The following PHF20L1 variants were observed in gnomAD, a reference collection of about 807,000 sequenced individuals.
PHF20L1 encodes the protein PHD finger protein 20 like 1, also known as PHD finger protein 20-like protein 1.
In PHF20L1, 44 loss-of-function variants were observed where a neutral mutation model predicts 125.5. The ratio of observed to expected loss-of-function variants is 0.35; its 90% CI spans 0.28 to 0.45. The LOEUF is 0.45. PHF20L1 is among the 20% of genes least tolerant of loss of function. The pLI is 1.00. For missense variants in PHF20L1, 1,012 were observed against 1,217.2 expected, an observed-to-expected ratio of 0.83 and a Z score of 2.51; for synonymous variants, 380 against 403.1, an observed-to-expected ratio of 0.94 and a Z score of 0.69.
chr8:132,792,245 C>A (rs914278123), intron 2 of PHF20L1, among the ~76,000 whole-genome samples: 1 of 152,136 alleles, frequency 6.6e-6, no homozygotes, highest in Non-Finnish European at 1.5e-5. Flanking sequence ...TATAGTACTT[C>A]AGTGGCTAGC....
intron 14 of PHF20L1, chr8:132,826,319 A>G (rs902718863): frequency 6.6e-6 from 1 of 152,124 alleles, no homozygotes; most frequent in Non-Finnish European, 1.5e-5. Context: ...TGAGGAAATG[A>G]AGGCAACTAC....
intron 6 of PHF20L1, among the ~76,000 whole-genome samples, chr8:132,801,931 A>T (rs2131543201): frequency 6.6e-6 from 1 of 151,736 alleles, no homozygotes; most frequent in Non-Finnish European, 1.5e-5. Context: ...TTGGAGGTAG[A>T]AAACAACTTG....
chr8:132,819,131 C>T (rs1835303133), intron 12 of PHF20L1, among the ~76,000 whole-genome samples: 1 of 151,838 alleles, frequency 6.6e-6, no homozygotes, highest in Non-Finnish European at 1.5e-5. Context: ...TGGCTGACTA[C>T]CTTAGAGGAA....
At chr8:132,839,624 C>T (rs148151447) in intron 18 of PHF20L1, 42 bp downstream of exon 18, 11 of 1,416,554 alleles carry the variant, frequency 7.8e-6, no homozygotes, top group South Asian at 1.2e-5. Context: ...CTTCAGTGGA[C>T]GTTTTAATTC....
rs1266814128 is a variant in PHF20L1, at chr8:132,842,936, A to G, written c.2748+61A>G. 4 of 1,509,904 alleles carry G rather than the reference A, an allele frequency of 2.6e-6. No homozygotes were observed. The African/African-American group carries it at 4.2e-5, about 16-fold the overall frequency. The allele number at this position is 1,509,904 out of a possible 1,614,324, so 93.5% of individuals were successfully genotyped here. On this transcript the variant is annotated intron_variant, in intron 19 of 20. Coordinates refer to ENST00000395386, the MANE Select transcript of PHF20L1 (RefSeq NM_016018.5). Reference sequence around the variant, plus strand: ...TGAGAGAAGAACAAAGGAAAATTTTATAAAATAAGGCATACTGAATTCCCA... The same window carrying G: ...TGAGAGAAGAACAAAGGAAAATTTTGTAAAATAAGGCATACTGAATTCCCA...
intron 8 of PHF20L1, chr8:132,807,807 G>A: frequency 2.2e-6 from 1 of 452,702 alleles, no homozygotes; most frequent in Non-Finnish European, 4.4e-6. Context: ...ATGACTATTT[G>A]ATATTCTTCT....
rs147588344 is a variant in PHF20L1 at position 132,848,188 on chromosome 8, A to G, written c.*2265A>G. 1.9e-3 allele frequency: 284 copies of G among 152,190 alleles called. 2 individuals carry two copies. The highest frequency in any genetic ancestry group is 6.3e-3 in the African/African-American group (263 of 41,544). The allele number at this position is 152,190 out of a possible 1,614,324, so 9.4% of individuals were successfully genotyped here. The stretch of plus-strand genomic sequence containing the variant: ...GATCAATTTATTTGTTAGCCAGCAA[A>G]TTGAAAATTCCATTATTAGATTAAT... On this transcript the variant is annotated 3_prime_UTR_variant, in exon 21 of 21. Coordinates refer to ENST00000395386, the MANE Select transcript of PHF20L1 (RefSeq NM_016018.5).
chr8:132,822,577 A>G (rs538403557), intron 12 of PHF20L1, among the ~76,000 whole-genome samples: 2 of 152,146 alleles, frequency 1.3e-5, no homozygotes, highest in South Asian at 4.1e-4. Context: ...AATTGCATCA[A>G]ATTTATAAAG....
chr8:132,802,138 T>G (rs2131545779), intron 6 of PHF20L1, among the ~76,000 whole-genome samples: 1 of 124,468 alleles, frequency 8.0e-6, no homozygotes, highest in South Asian at 2.7e-4. Context: ...TTGTTCTCTC[T>G]CAATCCTTTT....
chr8:132,825,291 G>A lies in PHF20L1; in HGVS notation c.1664G>A (p.Arg555Lys). 6.5e-7 allele frequency: 1 copy of A among 1,535,800 alleles called. No homozygotes were observed. The highest frequency in any genetic ancestry group is 9.0e-7 in the Non-Finnish European group (1 of 1,114,156). ...FGKRKEKDKE[R>K]REKRDKDHYR... is the part of the protein sequence containing the mutation. ...AAGAGAAAAGAAAAAGATAAGGAAA[G>A]AAGAGAGAAGAGAGACAAAGATCAC... The change falls in exon 14 of 21, where the codon AGA becomes AAA. Residue 555 changes from arginine (R) to lysine (K), a missense_variant. Arg to Lys is a conservative substitution (Grantham distance 26). Coordinates refer to ENST00000395386, the MANE Select transcript of PHF20L1 (RefSeq NM_016018.5).
rs530531997 is a variant in PHF20L1, at chr8:132,777,689, A to T, written c.-37-103A>T. 5.4e-5 allele frequency: 32 copies of T among 588,428 alleles called. No homozygotes were observed. The South Asian group carries it at 5.9e-4, about 11-fold the overall frequency. The allele number at this position is 588,428 out of a possible 1,614,324, so 36.5% of individuals were successfully genotyped here. ...TGGCAAGTATTTCATATTCTCATGT[A>T]TTGTTTTAGAAATTCTGTTTAATTT... On this transcript the variant is annotated intron_variant, in intron 1 of 20. Coordinates refer to ENST00000395386, the MANE Select transcript of PHF20L1 (RefSeq NM_016018.5).
chr8:132,834,940 TCAA>T (rs1454607385), intron 15 of PHF20L1, among the ~76,000 whole-genome samples: 4 of 152,162 alleles, frequency 2.6e-5, no homozygotes, highest in African/African-American at 9.6e-5. Flanking sequence ...AAAACATTAA[TCAA>T]CAACAAAACA....
At chr8:132,831,407 A>AGG (rs140634583) in intron 14 of PHF20L1, among the ~76,000 whole-genome samples, 3,159 of 152,050 alleles carry the variant, frequency 0.021, 50 homozygotes, top group Middle Eastern at 0.054. Context: ...CTCTCCAGTA[A>AGG]GCTGCATATG....
intron 10 of PHF20L1, 100 bp downstream of exon 10, chr8:132,814,989 AAACTC>A (rs1834792127): frequency 1.3e-5 from 11 of 877,438 alleles, no homozygotes; most frequent in Non-Finnish European, 1.7e-5. Context: ...TGCTTTTTAA[AAACTC>A]AAGTGGATAT....
At chr8:132,828,607 A>G (rs1432045763) in intron 14 of PHF20L1, among the ~76,000 whole-genome samples, 2 of 152,022 alleles carry the variant, frequency 1.3e-5, no homozygotes, top group African/African-American at 4.8e-5. Context: ...TTATTTTATG[A>G]GGTAGTAGGT....
intron 2 of PHF20L1, among the ~76,000 whole-genome samples, chr8:132,789,452 A>C (rs1183954982): frequency 2.6e-5 from 4 of 152,206 alleles, no homozygotes; most frequent in Non-Finnish European, 4.4e-5. Flanking sequence ...TCCCACACGA[A>C]TTCAGAAAGT....
chr8:132,832,410 C>A lies in PHF20L1; in HGVS notation c.1909+11C>A. 3 of 1,591,788 alleles carry A rather than the reference C, an allele frequency of 1.9e-6. No individual in the cohort carries two copies. The highest frequency in any genetic ancestry group is 2.6e-6 in the Non-Finnish European group (3 of 1,161,250). ...ATCTTAGTGGTGAAAGTATGTGTAA[C>A]CATGTGATGGTTAAAACAAGACTTA... is the stretch of plus-strand genomic sequence containing the variant. On this transcript the variant is annotated intron_variant, in intron 15 of 20. Transcript: ENST00000395386.
chr8:132,815,517 C>T (rs1349177144), intron 10 of PHF20L1: 3 of 151,750 alleles, frequency 2.0e-5, no homozygotes, highest in Non-Finnish European at 2.9e-5. Flanking sequence ...CTGAGTTTCT[C>T]ATATTAGTTT....
chr8:132,802,089 T>A (rs1833123448), intron 6 of PHF20L1, among the ~76,000 whole-genome samples: 1 of 151,656 alleles, frequency 6.6e-6, no homozygotes, highest in East Asian at 1.9e-4. Context: ...TTTGGTTGTC[T>A]GATTGTACTT....
Sources: allele counts gnomAD v4.1 joint callset (sites outside exome capture counted in the v4.1 genomes callset), GRCh38; gene constraint gnomAD v4.1.1; transcripts MANE v1.5; gene names NCBI Gene and HGNC (gene_info 2026-07-23, HGNC 2026-07-21).